The following KAZN variants were observed in gnomAD, a reference collection of about 807,000 sequenced individuals.
KAZN encodes kazrin, periplakin interacting protein.
Under a neutral mutation model 87.4 loss-of-function variants are expected in KAZN, and 40 were observed. The observed-to-expected ratio is 0.46, with a 90% CI of 0.36 to 0.60. KAZN has a LOEUF of 0.60. Among genes scored for constraint, KAZN ranks in the 20% least tolerant of loss-of-function variants. The probability of loss-of-function intolerance (pLI) is 0.00; values close to 1 mark genes in which losing one functional copy is unlikely to be tolerated. For missense variants in KAZN, 898 were observed against 1,073.9 expected, an observed-to-expected ratio of 0.84 and a Z score of 2.29; for synonymous variants, 466 against 458.3, an observed-to-expected ratio of 1.02 and a Z score of -0.22.
intron 1 of KAZN, among the ~76,000 whole-genome samples, chr1:14,756,661 G>T (rs907229785): frequency 3.3e-5 from 5 of 152,216 alleles, no homozygotes; most frequent in Admixed American, 6.5e-5. Context: ...ACACCACTAG[G>T]TTCTGAAATG....
chr1:13,965,656 A>G (rs986713801), intron 1 of KAZN, among the ~76,000 whole-genome samples: 6 of 152,142 alleles, frequency 3.9e-5, no homozygotes, highest in Non-Finnish European at 5.9e-5. Context: ...AACTCTCAGC[A>G]TCATGCCCAA....
intron 8 of KAZN, among the ~76,000 whole-genome samples, chr1:15,092,300 C>T (rs1443806425): frequency 6.6e-6 from 1 of 152,006 alleles, no homozygotes; most frequent in Admixed American, 6.5e-5. Flanking sequence ...GTCTTGAACT[C>T]CCGGCCTCAG....
At chr1:14,483,034 G>A (rs1378414713) in intron 2 of KAZN, among the ~76,000 whole-genome samples, 1 of 152,150 alleles carries the variant, frequency 6.6e-6, no homozygotes, top group African/African-American at 2.4e-5. Flanking sequence ...TATATGCAAA[G>A]AGCTTTTCTA....
At chr1:14,777,974 C>T (rs1036093924) in intron 1 of KAZN, among the ~76,000 whole-genome samples, 27 of 152,222 alleles carry the variant, frequency 1.8e-4, no homozygotes, top group African/African-American at 6.3e-4. Flanking sequence ...AGGTCACTCT[C>T]GCCACCATCT....
chr1:15,089,838 A>G (rs1300922288), intron 8 of KAZN, among the ~76,000 whole-genome samples: 1 of 150,864 alleles, frequency 6.6e-6, no homozygotes, highest in African/African-American at 2.4e-5. Context: ...GCATCAGTTC[A>G]TTGGTGGAGA....
intron 2 of KAZN, among the ~76,000 whole-genome samples, chr1:14,189,231 G>T (rs1388900498): frequency 6.6e-6 from 1 of 152,110 alleles, no homozygotes; most frequent in Non-Finnish European, 1.5e-5. Context: ...CTTGAACCAA[G>T]GTCATTTGCT....
intron 1 of KAZN, among the ~76,000 whole-genome samples, chr1:14,066,164 C>T (rs1643001695): frequency 1.3e-5 from 2 of 152,138 alleles, no homozygotes; most frequent in African/African-American, 2.4e-5. Flanking sequence ...TTATTTCATC[C>T]TCTTTATGGC....
intron 2 of KAZN, among the ~76,000 whole-genome samples, chr1:14,584,649 CT>C (rs55669007): frequency 1.0e-4 from 15 of 148,678 alleles, no homozygotes; most frequent in Non-Finnish European, 1.6e-4. Flanking sequence ...TGGAGACAGT[CT>C]TTTTTTTTTT....
chr1:14,202,453 C>G (rs1038079508), intron 2 of KAZN, among the ~76,000 whole-genome samples: 8 of 152,174 alleles, frequency 5.3e-5, no homozygotes, highest in Non-Finnish European at 1.0e-4. Context: ...GGAAGCTTCT[C>G]CTGTATTGGA....
At chr1:14,411,786 A>T (rs1301094720) in intron 2 of KAZN, among the ~76,000 whole-genome samples, 1 of 152,266 alleles carries the variant, frequency 6.6e-6, no homozygotes, top group East Asian at 1.9e-4. Context: ...AGCTGGAACC[A>T]TAAAAAAGGT....
intron 1 of KAZN, among the ~76,000 whole-genome samples, chr1:13,894,614 T>C (rs1421172828): frequency 6.6e-6 from 1 of 152,216 alleles, no homozygotes; most frequent in East Asian, 1.9e-4. Context: ...TTGTGGATTT[T>C]GACCGTGAGT....
At chr1:15,079,099 CCT>C (rs1477419193) in intron 8 of KAZN, among the ~76,000 whole-genome samples, 1 of 152,138 alleles carries the variant, frequency 6.6e-6, no homozygotes, top group African/African-American at 2.4e-5. Flanking sequence ...CCTCCAATCA[CCT>C]CACCCTGGTC....
chr1:14,571,445 C>T (rs1674857853), intron 2 of KAZN, among the ~76,000 whole-genome samples: 1 of 152,186 alleles, frequency 6.6e-6, no homozygotes, highest in African/African-American at 2.4e-5. Context: ...TCTTACACTT[C>T]TGTTTTTGCT....
intron 1 of KAZN, among the ~76,000 whole-genome samples, chr1:14,865,362 A>G (rs1375419444): frequency 6.6e-6 from 1 of 152,206 alleles, no homozygotes; most frequent in African/African-American, 2.4e-5. Flanking sequence ...TGTGCTTTTA[A>G]TAGAATCTAC....
chr1:14,309,371 A>G (rs1352731440), intron 2 of KAZN, among the ~76,000 whole-genome samples: 2 of 152,214 alleles, frequency 1.3e-5, no homozygotes, highest in Non-Finnish European at 2.9e-5. Flanking sequence ...TAGGTAAATG[A>G]GATATGGATA....
At chr1:14,115,956 G>A (rs535755307) in intron 1 of KAZN, among the ~76,000 whole-genome samples, 80 of 152,296 alleles carry the variant, frequency 5.3e-4, no homozygotes, top group South Asian at 1.5e-3. Context: ...CTAGAGATTT[G>A]TGTAACTTTG....
chr1:15,109,662 TG>T (rs1641421397), intron 13 of KAZN, among the ~76,000 whole-genome samples: 1 of 2,074 alleles, frequency 4.8e-4, no homozygotes, highest in Non-Finnish European at 8.4e-4. Flanking sequence ...TTTGTGTATG[TG>T]TTTATATGTG....
At chr1:14,931,885 A>C (rs1659867576) in intron 1 of KAZN, among the ~76,000 whole-genome samples, 1 of 152,076 alleles carries the variant, frequency 6.6e-6, no homozygotes, top group African/African-American at 2.4e-5. Context: ...ATCTAAGTTA[A>C]ATCTCGCTTT....
chr1:14,336,195 A>G (rs1178586751), intron 2 of KAZN, among the ~76,000 whole-genome samples: 1 of 152,244 alleles, frequency 6.6e-6, no homozygotes, highest in African/African-American at 2.4e-5. Flanking sequence ...CCTATTCTAG[A>G]TAGTTCATAT....
Sources: allele counts gnomAD v4.1 joint callset (sites outside exome capture counted in the v4.1 genomes callset), GRCh38; gene constraint gnomAD v4.1.1; transcripts MANE v1.5; gene names NCBI Gene and HGNC (gene_info 2026-07-23, HGNC 2026-07-21).